Variants in PLA2G6 observed in about 807,000 individuals in gnomAD.
PLA2G6 encodes 85/88 kDa calcium-independent phospholipase A2.
Under a neutral mutation model 83.8 loss-of-function variants are expected in PLA2G6, and 62 were observed. That is an observed-to-expected ratio of 0.74 (90% CI 0.60 to 0.91). PLA2G6 has a LOEUF of 0.91. Among genes scored for constraint, PLA2G6 ranks in the 40% least tolerant of loss-of-function variants. The pLI is 0.00. For missense variants in PLA2G6, 944 were observed against 1,102.0 expected (o/e 0.86, Z 2.03); for synonymous variants, 417 against 449.8 (o/e 0.93, Z 0.92).
At chr22:38,145,344 T>A in intron 3 of PLA2G6, 94 bp downstream of exon 3, 1 of 1,090,276 alleles carries the variant, frequency 9.2e-7, no homozygotes, top group South Asian at 1.3e-5. Context: ...CCTTTTTAAG[T>A]CAAACTATGG....
Position 38,132,224 on chromosome 22 carries a change from G to A in PLA2G6, c.1077+607C>T, listed in dbSNP as rs2088261308. The A allele has an allele frequency of 2.5e-6, 1 of 404,610 alleles. No individual in the cohort carries two copies. The highest frequency in any genetic ancestry group is 2.8e-5 in the Admixed American group (1 of 35,238). The allele number at this position is 404,610 out of a possible 1,614,324, so 25.1% of individuals were successfully genotyped here. On this transcript the variant is annotated intron_variant, in intron 7 of 16. Coordinates refer to ENST00000332509, the MANE Select transcript of PLA2G6 (RefSeq NM_003560.4). The surrounding 1 kb of genome is among the most constrained non-coding windows in gnomAD (Gnocchi z 5.0). ...TGTGTAACCAGACAGTAAGGGCTTT[G>A]AGGGCAGGAACTGTGTTCTATAATA...
chr22:38,165,599 C>T lies in PLA2G6; in HGVS notation c.209+3619G>A, dbSNP rs183811292. On this transcript the variant is annotated intron_variant, in intron 2 of 16. Coordinates refer to ENST00000332509, the MANE Select transcript of PLA2G6 (RefSeq NM_003560.4). ...TTAAGAAAACAGGAAGCTGGCCGGGCGCGGTGGCTCACTCCTGTAATCCCA... is the reference window on the plus strand; with the variant it reads ...TTAAGAAAACAGGAAGCTGGCCGGGTGCGGTGGCTCACTCCTGTAATCCCA... Among the ~76,000 whole-genome samples, 501 of 152,246 alleles carry T rather than the reference C, an allele frequency of 3.3e-3. 7 individuals are homozygous for T. Among genetic ancestry groups the T allele is most frequent in the African/African-American group, 0.012 (486 of 41,540 alleles).
intron 1 of PLA2G6, among the ~76,000 whole-genome samples, chr22:38,179,564 A>G (rs925951099): frequency 6.6e-6 from 1 of 152,288 alleles, no homozygotes; most frequent in Admixed American, 6.5e-5. Flanking sequence ...CAGGTGGATC[A>G]CTTGAGATCA....
Position 38,116,244 on chromosome 22 carries a change from C to T in PLA2G6, c.1743-33G>A, listed in dbSNP as rs756906527. On this transcript the variant is annotated intron_variant, in intron 12 of 16. Coordinates refer to ENST00000332509, the MANE Select transcript of PLA2G6 (RefSeq NM_003560.4). ...GAAATGAGGCAGGAGGACGGCTGAG[C>T]CACCCGCCCATCCACCTTTCCCTTT... The T allele has an allele frequency of 9.3e-6, 15 of 1,612,572 alleles. 2 individuals carry two copies. The South Asian group carries it at 1.6e-4, about 18-fold the overall frequency.
At chr22:38,134,032 A>T (rs1248403787) in intron 6 of PLA2G6, 1 of 152,232 alleles carries the variant, frequency 6.6e-6, no homozygotes, top group Admixed American at 6.5e-5. Context: ...CTGGGTGGGC[A>T]CCATCTAATC....
chr22:38,126,467 G>C lies in PLA2G6; in HGVS notation c.1349-18C>G, dbSNP rs201278654. 55 of 1,604,126 alleles carry C rather than the reference G, an allele frequency of 3.4e-5. No homozygotes were observed. Among genetic ancestry groups the C allele is most frequent in the Middle Eastern group, 1.7e-4 (1 of 6,016 alleles). ...CTGTAGTTCTGTGAGGCACAGAGCA[G>C]GGCATGCTGTGGTCAGGTGGGTCCC... On this transcript the variant is annotated intron_variant, in intron 9 of 16. Transcript: ENST00000332509.
At chr22:38,116,265 C>T (rs1180688283) in intron 12 of PLA2G6, 54 bp from the exon 13 acceptor site, 8 of 1,603,840 alleles carry the variant, frequency 5.0e-6, no homozygotes, top group South Asian at 1.1e-5. Context: ...TCCACCTTTC[C>T]CTTTCCCCAC....
chr22:38,168,435 G>A (rs945529677), intron 2 of PLA2G6, among the ~76,000 whole-genome samples: 1 of 152,240 alleles, frequency 6.6e-6, no homozygotes, highest in Non-Finnish European at 1.5e-5. Context: ...GGCCTGTCCT[G>A]GCTTTTGAGC....
rs923318690 is a variant in PLA2G6 at position 38,111,976 on chromosome 22, C to CG, written c.*184dup. Reference sequence around the variant, plus strand: ...TGGAATGACAGAAAGTGCTGGAAGGCGGGGTTAGTGGGAGACAGGCCTTCA... The same window carrying CG: ...TGGAATGACAGAAAGTGCTGGAAGGCGGGGGTTAGTGGGAGACAGGCCTTCA... On this transcript the variant is annotated 3_prime_UTR_variant, in exon 17 of 17. Transcript: ENST00000332509. 5.4e-6 allele frequency: 3 copies of CG among 559,118 alleles called. No individual in the cohort carries two copies. The highest frequency in any genetic ancestry group is 1.9e-5 in the African/African-American group (1 of 52,452). The allele number at this position is 559,118 out of a possible 1,614,324, so 34.6% of individuals were successfully genotyped here. A position where few individuals can be genotyped will look rare whatever the true frequency, so the allele number is the denominator to read the frequency against.
At chr22:38,126,798 G>C (rs2087888583) in intron 9 of PLA2G6, 1 of 361,502 alleles carries the variant, frequency 2.8e-6, no homozygotes, top group South Asian at 2.4e-5. Flanking sequence ...GCTTCTTCTT[G>C]CATCGGAGCC....
intron 7 of PLA2G6, 62 bp from the exon 8 acceptor site, chr22:38,129,624 C>T (rs2088088212): frequency 7.7e-7 from 1 of 1,296,416 alleles, no homozygotes; most frequent in African/African-American, 1.5e-5. Flanking sequence ...ACAAAGGGGC[C>T]CCTGGCTGCC....
chr22:38,116,200 G>A lies in PLA2G6; in HGVS notation c.1754C>T (p.Thr585Ile), dbSNP rs587784338. Residue 585 changes from threonine to isoleucine, a missense_variant, in exon 13 of 17, where the codon ACA becomes ATA. Thr to Ile is a moderately conservative substitution (Grantham distance 89, BLOSUM62 -1). Transcript: ENST00000332509. ...TDVRKPKVML[T>I]GTLSDRQPAE... ...CGGCTGCCGGTCAGACAGTGTCCCT[G>A]TCAGCATCACCCTGGAGAGAAATGA... 1.9e-6 allele frequency: 3 copies of A among 1,613,896 alleles called. No individual in the cohort carries two copies. In the African/African-American group the frequency reaches 4.0e-5, roughly 22 times the overall value.
Position 38,169,481 on chromosome 22 carries a change from A to G in PLA2G6, c.-45-10T>C. ...CGTCTTCCCCCTCTGTCTGGAAGAA[A>G]ACGAGGTCTCTGGTCAGCCAGGCAC... On this transcript the variant is annotated splice_polypyrimidine_tract_variant and intron_variant, in intron 1 of 16. Transcript: ENST00000332509. 6.6e-7 allele frequency: 1 copy of G among 1,509,130 alleles called. No individual in the cohort carries two copies. The highest frequency in any genetic ancestry group is 9.1e-7 in the Non-Finnish European group (1 of 1,094,150). The allele number at this position is 1,509,130 out of a possible 1,614,324, so 93.5% of individuals were successfully genotyped here.
At chr22:38,112,460 A>T in intron 16 of PLA2G6, 44 bp downstream of exon 16, 1 of 1,523,668 alleles carries the variant, frequency 6.6e-7, no homozygotes. Flanking sequence ...GAGTCCGACC[A>T]CGCCAGGGCA....
intron 3 of PLA2G6, 70 bp from the exon 4 acceptor site, chr22:38,143,358 A>ACTTC: frequency 6.9e-7 from 1 of 1,457,948 alleles, no homozygotes; most frequent in Non-Finnish European, 9.5e-7. Flanking sequence ...ACCTAAGTGC[A>ACTTC]CATGCAGGGA....
intron 1 of PLA2G6, among the ~76,000 whole-genome samples, chr22:38,181,055 T>G (rs1443400966): frequency 6.6e-6 from 1 of 152,128 alleles, no homozygotes; most frequent in Non-Finnish European, 1.5e-5. Context: ...CCCCTTGCCC[T>G]GTGCCCTCCC....
chr22:38,124,807 C>T (rs945603806), intron 10 of PLA2G6, among the ~76,000 whole-genome samples: 60 of 152,150 alleles, frequency 3.9e-4, no homozygotes, highest in African/African-American at 1.3e-3. Context: ...TTTTCCTGGA[C>T]CAGGTACCCA....
At chr22:38,166,156 C>A (rs552324629) in intron 2 of PLA2G6, among the ~76,000 whole-genome samples, 2 of 152,318 alleles carry the variant, frequency 1.3e-5, no homozygotes, top group African/African-American at 4.8e-5. Context: ...TTCCCAGCAT[C>A]CTTTGCAGTT....
At chr22:38,138,963 C>A (rs1466248680) in intron 5 of PLA2G6, 1 of 152,178 alleles carries the variant, frequency 6.6e-6, no homozygotes, top group Non-Finnish European at 1.5e-5. Context: ...AGCCACCGCG[C>A]CTGGCCTAGA....
Sources: gnomAD v4.1 joint callset for allele counts (sites outside exome capture counted in the v4.1 genomes callset) on GRCh38, gnomAD v4.1.1 for gene constraint, Gnocchi (gnomAD v3.1) non-coding constraint, MANE v1.5 for transcripts, NCBI Gene and HGNC (gene_info 2026-07-23, HGNC 2026-07-21) for gene names.